ADAMTS9: variants seen among roughly 807,000 people sequenced by gnomAD.
ADAMTS9 encodes the protein ADAM metallopeptidase with thrombospondin type 1 motif 9, also known as A disintegrin and metalloproteinase with thrombospondin motifs 9.
ADAMTS9 carries 107 observed loss-of-function variants against 257.1 expected under a neutral mutation model. That is an observed-to-expected ratio of 0.42 (90% CI 0.36 to 0.49). ADAMTS9 has a LOEUF of 0.49. Ranked by LOEUF, ADAMTS9 falls within the 20% of genes least tolerant of loss-of-function variation. ADAMTS9 has a pLI of 0.03. For missense variants in ADAMTS9, 2,353 were observed against 2,469.1 expected (o/e 0.95, Z 1.00); for synonymous variants, 982 against 880.9 (o/e 1.11, Z -2.03).
chr3:64,654,212 C>CA, intron 8 of ADAMTS9, 141 bp downstream of exon 8: 1 of 835,054 alleles, frequency 1.2e-6, no homozygotes, highest in Non-Finnish European at 1.9e-6. Context: ...TAATTAGGTT[C>CA]AAAGCTCTTC....
chr3:64,616,612 A>G (rs926676877), intron 19 of ADAMTS9, among the ~76,000 whole-genome samples: 10 of 152,204 alleles, frequency 6.6e-5, no homozygotes, highest in African/African-American at 2.4e-4. Context: ...CTTTGTATCC[A>G]TACTACCTGT....
Position 64,607,095 on chromosome 3 carries a change from C to T in ADAMTS9, c.3355-16G>A, listed in dbSNP as rs377133655. The T allele has an allele frequency of 2.5e-6, 4 of 1,612,796 alleles. No homozygotes were observed. Among genetic ancestry groups the T allele is most frequent in the Non-Finnish European group, 3.4e-6 (4 of 1,179,440 alleles). ...TGACACTGCACTGGAAGAAGGAGGA[C>T]AAAAGGTATATACAATTCAGCAAAT... On this transcript the variant is annotated splice_polypyrimidine_tract_variant and intron_variant, in intron 22 of 39. Coordinates refer to ENST00000498707, the MANE Select transcript of ADAMTS9 (RefSeq NM_182920.2).
chr3:64,640,372 A>G (rs549961110), intron 12 of ADAMTS9, among the ~76,000 whole-genome samples: 10 of 152,344 alleles, frequency 6.6e-5, no homozygotes, highest in African/African-American at 2.4e-4. Context: ...AGCTTTGCCA[A>G]TATTAGACTC....
At chr3:64,668,692 A>G (rs1487249837) in intron 3 of ADAMTS9, among the ~76,000 whole-genome samples, 4 of 152,210 alleles carry the variant, frequency 2.6e-5, no homozygotes, top group African/African-American at 9.6e-5. Context: ...CTCATTACTT[A>G]GAATGAGCAG....
At chr3:64,648,180 G>A in intron 10 of ADAMTS9, 136 bp from the exon 11 acceptor site, 1 of 765,630 alleles carries the variant, frequency 1.3e-6, no homozygotes, top group Admixed American at 2.7e-5. Flanking sequence ...TTCTTGGTAT[G>A]ATAAATGCTA....
intron 22 of ADAMTS9, among the ~76,000 whole-genome samples, chr3:64,613,074 T>C (rs1374786135): frequency 1.3e-5 from 2 of 152,128 alleles, no homozygotes; most frequent in Admixed American, 6.5e-5. Flanking sequence ...TGTTGTGAAT[T>C]TGTTCAAACA....
intron 3 of ADAMTS9, among the ~76,000 whole-genome samples, chr3:64,665,608 G>A (rs185736323): frequency 1.2e-4 from 18 of 152,308 alleles, no homozygotes; most frequent in Admixed American, 1.1e-3. Flanking sequence ...GTGACTAAGT[G>A]TGCTTAAAAA....
intron 30 of ADAMTS9, among the ~76,000 whole-genome samples, chr3:64,556,523 T>C (rs976101905): frequency 2.6e-5 from 4 of 152,156 alleles, no homozygotes; most frequent in Non-Finnish European, 4.4e-5. Flanking sequence ...AGTCTCACTA[T>C]GTTGCCTAGG....
chr3:64,546,858 G>T lies in ADAMTS9; in HGVS notation c.4964C>A (p.Thr1655Asn). 1 of 1,614,140 alleles carries T rather than the reference G, an allele frequency of 6.2e-7. No homozygotes were observed. Among genetic ancestry groups the T allele is most frequent in the Non-Finnish European group, 8.5e-7 (1 of 1,180,006 alleles). ...GKENYEYSYQTTINCPGTQPP... is the reference protein window; with the variant it reads ...GKENYEYSYQNTINCPGTQPP... ...CTGCGTGCCTGGGCAGTTGATGGTG[G>T]TTTGGTAGCTGTATTCATAATTCTC... Residue 1655 changes from threonine (T) to asparagine (N), a missense_variant, in exon 32 of 40, where the codon ACC (threonine) becomes AAC (asparagine). This residue lies in a region of ADAMTS9 where 1,402 missense variants were observed against 1,441.4 expected (regional missense o/e 0.97). Coordinates refer to ENST00000498707, the MANE Select transcript of ADAMTS9 (RefSeq NM_182920.2).
At chr3:64,639,789 C>G (rs1251042027) in intron 12 of ADAMTS9, among the ~76,000 whole-genome samples, 1 of 152,126 alleles carries the variant, frequency 6.6e-6, no homozygotes, top group Non-Finnish European at 1.5e-5. Flanking sequence ...TTCAACAATA[C>G]AAGCAACAAG....
At chr3:64,564,482 CTT>C (rs1391857750) in intron 29 of ADAMTS9, among the ~76,000 whole-genome samples, 1 of 152,144 alleles carries the variant, frequency 6.6e-6, no homozygotes, top group Non-Finnish European at 1.5e-5. Context: ...TATAAACCAA[CTT>C]TTATAAGTAA....
Position 64,615,429 on chromosome 3 carries a change from G to T in ADAMTS9, c.3081C>A (p.Thr1027=), listed in dbSNP as rs761069223. The T allele has an allele frequency of 6.2e-7, 1 of 1,613,866 alleles. No individual in the cohort carries two copies. The highest frequency in any genetic ancestry group is 2.2e-5 in the East Asian group (1 of 44,844). The stretch of plus-strand genomic sequence containing the variant: ...TGCTGTCATCCAGTACATCATTTCG[G>T]GTATTGACACAAATAGCCCTTCTCC... ...TQRRRAICVN[T]RNDVLDDSKC... The change falls in exon 21 of 40, where the codon ACC becomes ACA. Residue 1027 remains threonine, a synonymous_variant. Coordinates refer to ENST00000498707, the MANE Select transcript of ADAMTS9 (RefSeq NM_182920.2).
intron 2 of ADAMTS9, among the ~76,000 whole-genome samples, chr3:64,682,620 C>A (rs1055661580): frequency 3.9e-5 from 6 of 152,198 alleles, no homozygotes; most frequent in African/African-American, 1.2e-4. Context: ...AAATCTGATG[C>A]CTTGCATCCT....
At chr3:64,584,226 C>T (rs1318334130) in intron 28 of ADAMTS9, 1 of 151,908 alleles carries the variant, frequency 6.6e-6, no homozygotes. Context: ...TAAGAAAAGG[C>T]AGAGTCTGCA....
intron 3 of ADAMTS9, among the ~76,000 whole-genome samples, chr3:64,669,618 T>C (rs1169794036): frequency 6.6e-6 from 1 of 152,182 alleles, no homozygotes; most frequent in East Asian, 1.9e-4. Context: ...AATGAAGTCC[T>C]AAGTTTCCAA....
chr3:64,563,721 G>T (rs559023624), intron 29 of ADAMTS9, among the ~76,000 whole-genome samples: 1 of 152,240 alleles, frequency 6.6e-6, no homozygotes, highest in Admixed American at 6.5e-5. Context: ...TGTCATTCTG[G>T]CTTCTGATTT....
intron 38 of ADAMTS9, among the ~76,000 whole-genome samples, chr3:64,526,316 G>C (rs1371279294): frequency 2.0e-5 from 3 of 151,696 alleles, no homozygotes; most frequent in Admixed American, 6.6e-5. Context: ...ATGATATATC[G>C]ATAAAAATAC....
At chr3:64,669,654 C>G (rs76196997) in intron 3 of ADAMTS9, among the ~76,000 whole-genome samples, 3 of 152,130 alleles carry the variant, frequency 2.0e-5, no homozygotes, top group Non-Finnish European at 4.4e-5. Flanking sequence ...CAGAGATTCC[C>G]CCTGAGCCAC....
At chr3:64,655,549 G>T in intron 6 of ADAMTS9, 27 bp downstream of exon 6, 1 of 1,559,242 alleles carries the variant, frequency 6.4e-7, no homozygotes, top group Non-Finnish European at 8.8e-7. Context: ...GAGACTGAAA[G>T]ATCTGAGGAA....
Sources: allele counts gnomAD v4.1 joint callset (sites outside exome capture counted in the v4.1 genomes callset), GRCh38; gene constraint gnomAD v4.1.1; regional missense constraint gnomAD v4.1.1; transcripts MANE v1.5; gene names NCBI Gene and HGNC (gene_info 2026-07-23, HGNC 2026-07-21).